FAM174A: variants seen among roughly 807,000 people sequenced by gnomAD.
The protein encoded by FAM174A is membrane protein FAM174A.
FAM174A carries 14 observed loss-of-function variants against 14.3 expected under a neutral mutation model. The observed-to-expected ratio is 0.98, with a 90% confidence interval of 0.65 to 1.53. FAM174A has a LOEUF of 1.53. FAM174A is among the 40% of genes most tolerant of loss of function. The pLI, the probability that FAM174A is intolerant of heterozygous loss-of-function variation, is 0.00. For missense variants in FAM174A, 241 were observed against 249.6 expected (o/e 0.97, Z 0.23); for synonymous variants, 108 against 111.4 (o/e 0.97, Z 0.19).
chr5:100,543,547 G>A (rs1427459693), intron 1 of FAM174A, among the ~76,000 whole-genome samples: 1 of 152,102 alleles, frequency 6.6e-6, no homozygotes, highest in African/African-American at 2.4e-5. Flanking sequence ...CATTTCATGG[G>A]ATCAATGTTC....
chr5:100,563,707 A>G (rs1359672980), intron 2 of FAM174A, among the ~76,000 whole-genome samples: 1 of 151,932 alleles, frequency 6.6e-6, no homozygotes, highest in Non-Finnish European at 1.5e-5. Flanking sequence ...TCAAGTGCCC[A>G]TGGGATGCAC....
At chr5:100,543,964 T>G (rs1267754573) in intron 1 of FAM174A, among the ~76,000 whole-genome samples, 2 of 152,148 alleles carry the variant, frequency 1.3e-5, no homozygotes, top group Admixed American at 1.3e-4. Context: ...CTATAATAGG[T>G]GGTTCTGTTT....
At chr5:100,560,907 C>T (rs994415492) in intron 1 of FAM174A, among the ~76,000 whole-genome samples, 2 of 151,972 alleles carry the variant, frequency 1.3e-5, no homozygotes, top group South Asian at 4.1e-4. Context: ...TTAGGCATTC[C>T]TTGCAGGGTC....
At chr5:100,570,158 G>A (rs1322218485) in intron 2 of FAM174A, among the ~76,000 whole-genome samples, 1 of 151,678 alleles carries the variant, frequency 6.6e-6, no homozygotes, top group East Asian at 1.9e-4. Flanking sequence ...ACTGTAATTT[G>A]GGGAAGGTGG....
chr5:100,582,580 T>C (rs561864092), intron 2 of FAM174A, among the ~76,000 whole-genome samples: 14 of 152,232 alleles, frequency 9.2e-5, no homozygotes, highest in Admixed American at 6.5e-4. Context: ...AGTAAAGTTG[T>C]ATAATTAGAA....
intron 2 of FAM174A, among the ~76,000 whole-genome samples, chr5:100,581,841 G>C (rs2112406396): frequency 6.6e-6 from 1 of 152,158 alleles, no homozygotes; most frequent in South Asian, 2.1e-4. Context: ...ATATAAACAG[G>C]TTCAAGGAAA....
intron 1 of FAM174A, among the ~76,000 whole-genome samples, chr5:100,544,983 C>T (rs767894611): frequency 6.6e-6 from 1 of 152,210 alleles, no homozygotes; most frequent in Non-Finnish European, 1.5e-5. Context: ...ATTGCTACAG[C>T]AAGCGTCTAT....
intron 1 of FAM174A, among the ~76,000 whole-genome samples, chr5:100,554,601 C>T (rs983626117): frequency 1.3e-5 from 2 of 151,894 alleles, no homozygotes; most frequent in Non-Finnish European, 2.9e-5. Flanking sequence ...TGAGTAACCA[C>T]GCCTGGACTA....
intron 2 of FAM174A, among the ~76,000 whole-genome samples, chr5:100,576,285 G>A (rs1325362743): frequency 6.6e-6 from 1 of 151,754 alleles, no homozygotes; most frequent in African/African-American, 2.4e-5. Flanking sequence ...CACAGATAGG[G>A]GCCTCACCAG....
intron 1 of FAM174A, among the ~76,000 whole-genome samples, chr5:100,542,238 GC>G (rs1746070573): frequency 6.6e-6 from 1 of 152,118 alleles, no homozygotes; most frequent in Admixed American, 6.5e-5. Flanking sequence ...GACATGTATA[GC>G]CAGCCAACTT....
chr5:100,574,718 G>A (rs1162386966), intron 2 of FAM174A, among the ~76,000 whole-genome samples: 1 of 152,048 alleles, frequency 6.6e-6, no homozygotes, highest in African/African-American at 2.4e-5. Context: ...TACCAGGGAG[G>A]AGGGGGCGGG....
At chr5:100,569,258 TAA>T (rs1746725919) in intron 2 of FAM174A, among the ~76,000 whole-genome samples, 2 of 151,896 alleles carry the variant, frequency 1.3e-5, no homozygotes, top group Admixed American at 1.3e-4. Context: ...ATATTTTCTA[TAA>T]GTCATGCCAT....
intron 2 of FAM174A, among the ~76,000 whole-genome samples, chr5:100,566,413 C>T (rs186296018): frequency 6.6e-6 from 1 of 151,330 alleles, no homozygotes; most frequent in African/African-American, 2.4e-5. Flanking sequence ...GAAGGGAAAA[C>T]AGGAAGATGT....
At chr5:100,581,834 T>C (rs1199325437) in intron 2 of FAM174A, among the ~76,000 whole-genome samples, 1 of 152,172 alleles carries the variant, frequency 6.6e-6, no homozygotes, top group Non-Finnish European at 1.5e-5. Flanking sequence ...CTTATAAATA[T>C]AAACAGGTTC....
At chr5:100,551,768 T>G (rs1419573580) in intron 1 of FAM174A, among the ~76,000 whole-genome samples, 2 of 152,220 alleles carry the variant, frequency 1.3e-5, no homozygotes, top group East Asian at 3.9e-4. Flanking sequence ...GAAGGATCTG[T>G]TCTGGGCCTC....
At chr5:100,582,592 T>G (rs1476482616) in intron 2 of FAM174A, among the ~76,000 whole-genome samples, 1 of 152,128 alleles carries the variant, frequency 6.6e-6, no homozygotes, top group African/African-American at 2.4e-5. Flanking sequence ...TAATTAGAAT[T>G]AAAATCTATA....
At chr5:100,565,209 T>C (rs1222026141) in intron 2 of FAM174A, among the ~76,000 whole-genome samples, 1 of 151,668 alleles carries the variant, frequency 6.6e-6, no homozygotes, top group Non-Finnish European at 1.5e-5. Flanking sequence ...TTTCAACACA[T>C]GCAAATCAAT....
At position 100,570,030 on chromosome 5, in the gene FAM174A, T is replaced by C. The variant is rs1746744630; in HGVS notation, c.569+7842T>C. Among the ~76,000 whole-genome samples, 4 of 151,928 alleles carry C rather than the reference T, an allele frequency of 2.6e-5. No individual in the cohort carries two copies. The Admixed American group carries it at 2.6e-4, about 10-fold the overall frequency. On this transcript the variant is annotated intron_variant, in intron 2 of 2. Transcript: ENST00000312637. ...GAAGCAAAGAATAGTCATACAGTTT[T>C]TCTATTCTCCTTTTATTCTCTTCTT...
chr5:100,552,098 G>A lies in FAM174A; in HGVS notation c.435-9956G>A, dbSNP rs781229735. On this transcript the variant is annotated intron_variant, in intron 1 of 2. Transcript: ENST00000312637. ...ACTGATGGATTGGGTTGTGGAAATG[G>A]GGAATAAAGATGAGAATGATGTCAG... Among the ~76,000 whole-genome samples the A allele has an allele frequency of 3.3e-5, 5 of 152,110 alleles. 1 individual carries two copies. The highest frequency in any genetic ancestry group is 5.9e-5 in the Non-Finnish European group (4 of 68,024).
Sources: gnomAD v4.1 joint callset for allele counts (sites outside exome capture counted in the v4.1 genomes callset) on GRCh38, gnomAD v4.1.1 for gene constraint, MANE v1.5 for transcripts, NCBI Gene and HGNC (gene_info 2026-07-23, HGNC 2026-07-21) for gene names.